LRRC4C: variants seen among roughly 807,000 people sequenced by gnomAD.
The protein encoded by LRRC4C is leucine rich repeat containing 4C.
A neutral mutation model predicts 33.6 loss-of-function variants in LRRC4C; 5 were observed. The ratio of observed to expected loss-of-function variants is 0.15; its 90% CI spans 0.08 to 0.31. LRRC4C has a LOEUF of 0.31. LRRC4C is among the 10% of genes least tolerant of loss of function. The pLI is 1.00. For synonymous variants in LRRC4C, 329 were observed against 302.0 expected, an observed-to-expected ratio of 1.09 and a Z score of -0.93; for missense variants, 560 against 796.7, an observed-to-expected ratio of 0.70 and a Z score of 3.58.
At chr11:40,951,329 T>C (rs1565234970) in intron 1 of LRRC4C, among the ~76,000 whole-genome samples, 1 of 151,930 alleles carries the variant, frequency 6.6e-6, no homozygotes. Context: ...GACAATTGAG[T>C]TCAACACCAA....
At chr11:41,125,725 T>A (rs574803032) in intron 1 of LRRC4C, among the ~76,000 whole-genome samples, 1 of 152,096 alleles carries the variant, frequency 6.6e-6, no homozygotes, top group Admixed American at 6.6e-5. Flanking sequence ...AGACATGATA[T>A]TATATGAGGG....
intron 2 of LRRC4C, among the ~76,000 whole-genome samples, chr11:40,768,789 C>A (rs565620973): frequency 2.6e-5 from 4 of 152,136 alleles, no homozygotes; most frequent in East Asian, 3.9e-4. Flanking sequence ...ATTCAACATG[C>A]CTTCATGATA....
chr11:40,247,489 T>C (rs1565182902), intron 4 of LRRC4C, among the ~76,000 whole-genome samples: 2 of 152,108 alleles, frequency 1.3e-5, no homozygotes, highest in South Asian at 4.1e-4. Flanking sequence ...TACAATCCTA[T>C]GACGAGATAA....
chr11:40,606,461 GA>G (rs1406665699), intron 3 of LRRC4C, among the ~76,000 whole-genome samples: 1 of 151,900 alleles, frequency 6.6e-6, no homozygotes, highest in African/African-American at 2.4e-5. Flanking sequence ...TAAACACTAG[GA>G]GAGATTTTTT....
intron 1 of LRRC4C, among the ~76,000 whole-genome samples, chr11:41,272,874 C>T (rs370697569): frequency 6.6e-6 from 1 of 152,044 alleles, no homozygotes; most frequent in East Asian, 1.9e-4. Context: ...TGATTTAATT[C>T]TCAAGAATAT....
intron 5 of LRRC4C, among the ~76,000 whole-genome samples, chr11:40,239,974 G>T (rs1033959234): frequency 6.6e-6 from 1 of 152,124 alleles, no homozygotes; most frequent in Non-Finnish European, 1.5e-5. Flanking sequence ...CAGAATCTCA[G>T]AACGCACCCC....
intron 5 of LRRC4C, among the ~76,000 whole-genome samples, chr11:40,218,744 C>CTATCT (rs1590740517): frequency 1.1e-5 from 1 of 93,096 alleles, no homozygotes; most frequent in Admixed American, 1.3e-4. Context: ...TCTATCTATC[C>CTATCT]ATCCATCCAT....
chr11:40,999,031 A>C (rs964109515), intron 1 of LRRC4C, among the ~76,000 whole-genome samples: 1 of 152,168 alleles, frequency 6.6e-6, no homozygotes, highest in Non-Finnish European at 1.5e-5. Flanking sequence ...TTGCATCAAT[A>C]AAATCACTTA....
intron 1 of LRRC4C, among the ~76,000 whole-genome samples, chr11:41,253,695 A>G (rs551930111): frequency 5.3e-5 from 8 of 152,156 alleles, no homozygotes; most frequent in Non-Finnish European, 8.8e-5. Flanking sequence ...AAAATTGCTA[A>G]GACCTCTTTC....
intron 1 of LRRC4C, among the ~76,000 whole-genome samples, chr11:40,978,366 C>G (rs1462172290): frequency 6.6e-6 from 1 of 152,192 alleles, no homozygotes; most frequent in Non-Finnish European, 1.5e-5. Flanking sequence ...CTTGACCCTA[C>G]TCTCTGGTTC....
intron 3 of LRRC4C, among the ~76,000 whole-genome samples, chr11:40,621,396 A>G (rs1355111149): frequency 6.6e-6 from 1 of 151,718 alleles, no homozygotes; most frequent in Non-Finnish European, 1.5e-5. Flanking sequence ...TTGCCTAGAC[A>G]CACCACACAC....
chr11:41,225,251 T>G (rs2136416419), intron 1 of LRRC4C, among the ~76,000 whole-genome samples: 1 of 152,102 alleles, frequency 6.6e-6, no homozygotes, highest in South Asian at 2.1e-4. Context: ...GTGACTATAG[T>G]CCATAATAAT....
At chr11:41,413,843 GGCTT>G (rs1954580598) in intron 1 of LRRC4C, among the ~76,000 whole-genome samples, 1 of 152,094 alleles carries the variant, frequency 6.6e-6, no homozygotes, top group Admixed American at 6.6e-5. Flanking sequence ...GACAACTCTG[GGCTT>G]GTTTCCTATA....
At chr11:40,495,240 C>T (rs756335907) in intron 3 of LRRC4C, among the ~76,000 whole-genome samples, 4 of 152,018 alleles carry the variant, frequency 2.6e-5, no homozygotes, top group Non-Finnish European at 4.4e-5. Context: ...GTAGTTTGTG[C>T]GAAGCGAGGA....
At chr11:40,732,860 T>G (rs181218024) in intron 2 of LRRC4C, among the ~76,000 whole-genome samples, 102 of 152,208 alleles carry the variant, frequency 6.7e-4, no homozygotes, top group Non-Finnish European at 1.3e-3. Flanking sequence ...TCGTGGAATA[T>G]TTTAACCATT....
intron 1 of LRRC4C, among the ~76,000 whole-genome samples, chr11:41,338,300 C>T (rs2137439211): frequency 6.6e-6 from 1 of 152,288 alleles, no homozygotes; most frequent in African/African-American, 2.4e-5. Context: ...ACCCACATGC[C>T]TATCAATGAC....
At chr11:40,652,779 A>G (rs1210680281) in intron 2 of LRRC4C, among the ~76,000 whole-genome samples, 1 of 152,148 alleles carries the variant, frequency 6.6e-6, no homozygotes, top group Non-Finnish European at 1.5e-5. Context: ...AAATTCTTAA[A>G]CTTCTTTTAA....
At chr11:40,615,253 T>TATATATATATATAAAA (rs914584100) in intron 3 of LRRC4C, among the ~76,000 whole-genome samples, 2 of 93,116 alleles carry the variant, frequency 2.1e-5, no homozygotes, top group African/African-American at 6.6e-5. Context: ...TATATATATA[T>TATATATATATATAAAA]ATATATATAT....
At chr11:40,156,311 C>T in intron 5 of LRRC4C, among the ~76,000 whole-genome samples, 1 of 152,112 alleles carries the variant, frequency 6.6e-6, no homozygotes, top group East Asian at 1.9e-4. Flanking sequence ...CCACTGTCAC[C>T]ACTCCTCTTC....
Sources: gnomAD v4.1 joint callset for allele counts (sites outside exome capture counted in the v4.1 genomes callset) on GRCh38, gnomAD v4.1.1 for gene constraint, MANE v1.5 for transcripts, NCBI Gene and HGNC (gene_info 2026-07-23, HGNC 2026-07-21) for gene names.